Variants in SPAG17 observed in about 807,000 individuals in gnomAD.
SPAG17 encodes sperm associated antigen 17.
SPAG17 carries 169 observed loss-of-function variants against 273.6 expected under a neutral mutation model. The ratio of observed to expected loss-of-function variants is 0.62; its 90% CI spans 0.55 to 0.70. The LOEUF is 0.70. Ranked by LOEUF, SPAG17 falls within the 30% of genes least tolerant of loss-of-function variation. The pLI is 0.00. For missense variants in SPAG17, 2,557 were observed against 2,627.8 expected, an observed-to-expected ratio of 0.97 and a Z score of 0.59; for synonymous variants, 825 against 873.2, an observed-to-expected ratio of 0.94 and a Z score of 0.97.
At chr1:118,134,637 A>G (rs1460595212) in intron 3 of SPAG17, among the ~76,000 whole-genome samples, 2 of 152,136 alleles carry the variant, frequency 1.3e-5, no homozygotes, top group South Asian at 2.1e-4. Flanking sequence ...GAATTCCTCA[A>G]TGGCCCCCCA....
At chr1:118,059,062 G>A (rs1466353428) in intron 18 of SPAG17, among the ~76,000 whole-genome samples, 1 of 152,054 alleles carries the variant, frequency 6.6e-6, no homozygotes, top group East Asian at 1.9e-4. Flanking sequence ...CAATAGACTG[G>A]AAAATCTAGA....
chr1:118,163,181 A>G (rs1213462102), intron 1 of SPAG17, among the ~76,000 whole-genome samples: 2 of 152,240 alleles, frequency 1.3e-5, no homozygotes, highest in East Asian at 1.9e-4. Context: ...CATTTAAAAA[A>G]GTACTGAAAA....
At chr1:118,148,286 C>T (rs758501565) in intron 3 of SPAG17, among the ~76,000 whole-genome samples, 2 of 152,266 alleles carry the variant, frequency 1.3e-5, no homozygotes, top group South Asian at 2.1e-4. Context: ...CCACTGACTT[C>T]GTGGTGTTAC....
At chr1:118,088,112 G>A (rs1043279321) in intron 10 of SPAG17, among the ~76,000 whole-genome samples, 3 of 152,060 alleles carry the variant, frequency 2.0e-5, no homozygotes, top group Admixed American at 6.6e-5. Flanking sequence ...TCATTTCTTT[G>A]ACCCACTTCA....
intron 3 of SPAG17, among the ~76,000 whole-genome samples, chr1:118,144,253 T>C (rs1334552779): frequency 6.6e-6 from 1 of 152,232 alleles, no homozygotes; most frequent in Admixed American, 6.5e-5. Flanking sequence ...AGTGACTAGC[T>C]TGAACTTGAC....
At chr1:118,144,415 CTCT>C (rs1462533752) in intron 3 of SPAG17, among the ~76,000 whole-genome samples, 1 of 152,194 alleles carries the variant, frequency 6.6e-6, no homozygotes, top group Non-Finnish European at 1.5e-5. Flanking sequence ...ACTATTTCTC[CTCT>C]TCTTTCCTTC....
chr1:118,184,516 A>G (rs1661092353), intron 1 of SPAG17, among the ~76,000 whole-genome samples: 1 of 152,128 alleles, frequency 6.6e-6, no homozygotes, highest in African/African-American at 2.4e-5. Flanking sequence ...CTGATCTCCC[A>G]CACCTTAAAA....
At chr1:118,052,475 TG>T (rs1345397583) in intron 20 of SPAG17, among the ~76,000 whole-genome samples, 4 of 152,006 alleles carry the variant, frequency 2.6e-5, no homozygotes, top group Middle Eastern at 3.4e-3. Context: ...AGAGATCTAT[TG>T]TACAACATGA....
In SPAG17 at chr1:118,066,765, G is replaced by C. The variant is rs1449193747; in HGVS notation, c.2520C>G (p.Leu840=). The stretch of plus-strand genomic sequence containing the variant: ...GTTACCTGAATCCAACATTGGAGTG[G>C]AGAGCAATGTTCCAATATTCACAAT... The part of the protein sequence containing the change: ...RLHCEYWNIA[L]HSNVGFRNYL... The change falls in exon 18 of 49, where the codon CTC becomes CTG. Residue 840 remains leucine (L), a synonymous_variant. Coordinates refer to ENST00000336338, the MANE Select transcript of SPAG17 (RefSeq NM_206996.4). The C allele has an allele frequency of 1.2e-6, 2 of 1,610,744 alleles. No individual in the cohort carries two copies. Among genetic ancestry groups the C allele is most frequent in the Non-Finnish European group, 1.7e-6 (2 of 1,179,040 alleles).
At chr1:118,054,448 G>A (rs2101994632) in intron 19 of SPAG17, among the ~76,000 whole-genome samples, 1 of 152,102 alleles carries the variant, frequency 6.6e-6, no homozygotes, top group African/African-American at 2.4e-5. Context: ...CCATATTGAA[G>A]CCCTTCTTTT....
At chr1:118,091,831 G>A (rs1318958107) in intron 9 of SPAG17, 99 bp downstream of exon 9, 3 of 1,362,028 alleles carry the variant, frequency 2.2e-6, no homozygotes, top group Non-Finnish European at 3.2e-6. Context: ...TGCAGGAGCT[G>A]TAGGTGAAGG....
intron 26 of SPAG17, 59 bp from the exon 27 acceptor site, chr1:118,025,475 C>A: frequency 2.6e-6 from 3 of 1,168,084 alleles, no homozygotes; most frequent in South Asian, 2.0e-5. Flanking sequence ...TGGATTTTAT[C>A]ATCTTGCTTA....
At chr1:118,180,852 C>T (rs1158185535) in intron 1 of SPAG17, among the ~76,000 whole-genome samples, 3 of 151,818 alleles carry the variant, frequency 2.0e-5, no homozygotes, top group African/African-American at 7.2e-5. Flanking sequence ...AATGCATGGA[C>T]AAATTTATTT....
At chr1:118,096,241 A>C (rs1655692871) in intron 7 of SPAG17, among the ~76,000 whole-genome samples, 1 of 152,086 alleles carries the variant, frequency 6.6e-6, no homozygotes. Flanking sequence ...TATCCATCTC[A>C]AGGTAATAGA....
chr1:118,041,850 C>A lies in SPAG17; in HGVS notation c.3007G>T (p.Val1003Leu). 6 of 1,613,856 alleles carry A rather than the reference C, an allele frequency of 3.7e-6. No homozygotes were observed. Among genetic ancestry groups the A allele is most frequent in the Non-Finnish European group, 2.5e-6 (3 of 1,179,868 alleles). Reference sequence around the variant, plus strand: ...GGTTGGTGGGGGGACTCTTCTGTTACTTCTTGGATCTTGACTTGTTCTTCT... The same window carrying A: ...GGTTGGTGGGGGGACTCTTCTGTTAATTCTTGGATCTTGACTTGTTCTTCT... ...SKEEQVKIQEVTEESPHQPEP... is the reference protein window; with the variant it reads ...SKEEQVKIQELTEESPHQPEP... The change falls in exon 21 of 49, where the codon GTA (valine) becomes TTA (leucine). Residue 1003 changes from valine (V) to leucine (L), a missense_variant. Transcript: ENST00000336338.
intron 17 of SPAG17, among the ~76,000 whole-genome samples, chr1:118,067,398 C>T (rs1259546771): frequency 6.6e-6 from 1 of 152,082 alleles, no homozygotes; most frequent in African/African-American, 2.4e-5. Context: ...AGACTAGGGC[C>T]GTCAAGATAA....
At chr1:118,050,379 CCTT>C (rs1650860352) in intron 20 of SPAG17, among the ~76,000 whole-genome samples, 1 of 152,184 alleles carries the variant, frequency 6.6e-6, no homozygotes, top group African/African-American at 2.4e-5. Context: ...CTCAGACTCT[CCTT>C]CTGCCTTATG....
intron 4 of SPAG17, among the ~76,000 whole-genome samples, chr1:118,107,928 G>C (rs1656505714): frequency 6.6e-6 from 1 of 152,092 alleles, no homozygotes; most frequent in South Asian, 2.1e-4. Context: ...TATATCTTCA[G>C]TTGGTAGAAT....
chr1:118,098,447 A>T (rs1455317804), intron 6 of SPAG17, among the ~76,000 whole-genome samples: 1 of 152,046 alleles, frequency 6.6e-6, no homozygotes. Flanking sequence ...ATAATTAAAT[A>T]GTAGTTTCTA....
Sources: gnomAD v4.1 joint callset for allele counts (sites outside exome capture counted in the v4.1 genomes callset) on GRCh38, gnomAD v4.1.1 for gene constraint, MANE v1.5 for transcripts, NCBI Gene and HGNC (gene_info 2026-07-23, HGNC 2026-07-21) for gene names.